The following CRYL1 variants were observed in gnomAD, a reference collection of about 807,000 sequenced individuals.
The protein encoded by CRYL1 is lambda-crystallin homolog.
In CRYL1, 29 loss-of-function variants were observed where a neutral mutation model predicts 36.6. The observed-to-expected ratio is 0.79, with a 90% CI of 0.59 to 1.08. The LOEUF is 1.08. Among genes scored for constraint, CRYL1 ranks in the 50% least tolerant of loss-of-function variants. The pLI is 0.00. For missense variants in CRYL1, 411 were observed against 407.9 expected (o/e 1.01, Z -0.06); for synonymous variants, 152 against 151.5 (o/e 1.00, Z -0.02).
intron 3 of CRYL1, among the ~76,000 whole-genome samples, chr13:20,479,285 T>C (rs1298470178): frequency 6.6e-6 from 1 of 152,192 alleles, no homozygotes; most frequent in Non-Finnish European, 1.5e-5. Flanking sequence ...AAGCTTGAAA[T>C]CCAACTGTGC....
chr13:20,432,125 T>G lies in CRYL1; in HGVS notation c.610A>C (p.Ser204Arg), dbSNP rs1204340686. ...VLNRLQYAII[S>R]EAWRLVEEGI... ...ACCTCCACTAGCCGCCAGGCCTCGCTGATGATTGCATATTGCAGGCGGTTC... is the reference window on the plus strand; with the variant it reads ...ACCTCCACTAGCCGCCAGGCCTCGCGGATGATTGCATATTGCAGGCGGTTC... The change falls in exon 5 of 8, where the codon AGC becomes CGC. Residue 204 changes from serine (S) to arginine (R), a missense_variant. Transcript: ENST00000298248. 6.2e-7 allele frequency: 1 copy of G among 1,614,158 alleles called. No individual in the cohort carries two copies. The highest frequency in any genetic ancestry group is 1.1e-5 in the South Asian group (1 of 91,088).
At chr13:20,471,604 C>CA (rs1314299629) in intron 3 of CRYL1, among the ~76,000 whole-genome samples, 112 of 131,268 alleles carry the variant, frequency 8.5e-4, no homozygotes, top group African/African-American at 9.0e-4. Flanking sequence ...GACTCTGTCT[C>CA]AAAAAAAAAA....
intron 1 of CRYL1, among the ~76,000 whole-genome samples, chr13:20,520,899 A>G (rs796594315): frequency 1.3e-4 from 20 of 152,188 alleles, no homozygotes; most frequent in African/African-American, 4.8e-4. Flanking sequence ...AGGTCAGGAG[A>G]TCGAGACCAT....
intron 2 of CRYL1, among the ~76,000 whole-genome samples, chr13:20,498,222 T>C (rs1412444595): frequency 7.0e-6 from 1 of 143,578 alleles, no homozygotes; most frequent in African/African-American, 2.6e-5. Flanking sequence ...ACATACCCCA[T>C]ATACACACTA....
In CRYL1 at chr13:20,525,845, A is replaced by T; in HGVS notation, c.-51T>A. The stretch of plus-strand genomic sequence containing the variant: ...GGGCGCTGGGACCAGGCGCCGGCGG[A>T]GCTGCGAGCTCTGGGCTCCGGGGAG... On this transcript the variant is annotated 5_prime_UTR_variant, in exon 1 of 8. Coordinates refer to ENST00000298248, the MANE Select transcript of CRYL1 (RefSeq NM_015974.3). This position sits in a 1 kb window ranked among gnomAD's most constrained non-coding sequence, Gnocchi z 4.3. The T allele has an allele frequency of 1.7e-6, 2 of 1,202,506 alleles. No individual in the cohort carries two copies. Among genetic ancestry groups the T allele is most frequent in the Non-Finnish European group, 2.1e-6 (2 of 966,152 alleles). The allele number at this position is 1,202,506 out of a possible 1,614,324, so 74.5% of individuals were successfully genotyped here. A position where few individuals can be genotyped will look rare whatever the true frequency, so the allele number is the denominator to read the frequency against.
chr13:20,436,429 C>T (rs1355948468), intron 4 of CRYL1, among the ~76,000 whole-genome samples: 1 of 152,344 alleles, frequency 6.6e-6, no homozygotes, highest in African/African-American at 2.4e-5. Context: ...ACACCGTTGT[C>T]ACCCACAGGC....
intron 5 of CRYL1, among the ~76,000 whole-genome samples, chr13:20,418,194 T>G (rs6490566): frequency 0.65 from 98,610 of 151,972 alleles, 33,985 homozygotes; most frequent in Non-Finnish European, 0.76. Flanking sequence ...ACCAAATACC[T>G]TCCCAGCAAC....
chr13:20,420,396 C>T (rs576554655), intron 5 of CRYL1, among the ~76,000 whole-genome samples: 182 of 152,138 alleles, frequency 1.2e-3, no homozygotes, highest in African/African-American at 4.0e-3. Context: ...GTTACTCTCC[C>T]GCAGGCTGAG....
chr13:20,420,257 A>T (rs1050980998), intron 5 of CRYL1, among the ~76,000 whole-genome samples: 1 of 152,226 alleles, frequency 6.6e-6, no homozygotes. Context: ...CGGGGAAAGA[A>T]GATGAGAAAC....
intron 3 of CRYL1, among the ~76,000 whole-genome samples, chr13:20,483,815 G>C (rs574251381): frequency 2.6e-5 from 4 of 151,326 alleles, no homozygotes; most frequent in Non-Finnish European, 1.5e-5. Flanking sequence ...TTCTGGGATC[G>C]CAGGCATGAG....
intron 3 of CRYL1, among the ~76,000 whole-genome samples, chr13:20,453,962 T>C (rs761921597): frequency 3.0e-4 from 46 of 152,274 alleles, no homozygotes; most frequent in Admixed American, 2.5e-3. Context: ...TAAGAAATAA[T>C]AGAAAACCTC....
chr13:20,443,115 T>C (rs575860994), intron 3 of CRYL1, among the ~76,000 whole-genome samples: 1 of 152,322 alleles, frequency 6.6e-6, no homozygotes, highest in Admixed American at 6.5e-5. Context: ...AAGTAAATCA[T>C]TTATAAACTT....
chr13:20,509,554 CAAA>C (rs149228387), intron 2 of CRYL1, among the ~76,000 whole-genome samples: 3,005 of 152,184 alleles, frequency 0.02, 103 homozygotes, highest in African/African-American at 0.069. Flanking sequence ...AAGTACTACT[CAAA>C]GAAGATATGC....
intron 2 of CRYL1, among the ~76,000 whole-genome samples, chr13:20,509,823 G>A (rs1205881036): frequency 6.6e-5 from 10 of 152,112 alleles, no homozygotes; most frequent in African/African-American, 2.2e-4. Flanking sequence ...CCAGCTACTC[G>A]GGAGGCTGAG....
At chr13:20,436,027 T>C (rs2032208021) in intron 4 of CRYL1, among the ~76,000 whole-genome samples, 1 of 152,180 alleles carries the variant, frequency 6.6e-6, no homozygotes, top group African/African-American at 2.4e-5. Flanking sequence ...ACGGGCGCTT[T>C]GCAGACAGCA....
chr13:20,459,180 A>C (rs148388478), intron 3 of CRYL1, among the ~76,000 whole-genome samples: 1 of 148,450 alleles, frequency 6.7e-6, no homozygotes, highest in South Asian at 2.2e-4. Context: ...AGCTTGCAGT[A>C]AGCCGAGTTC....
chr13:20,426,185 G>T (rs2031929588), intron 5 of CRYL1, among the ~76,000 whole-genome samples: 1 of 151,468 alleles, frequency 6.6e-6, no homozygotes, highest in South Asian at 2.1e-4. Flanking sequence ...CTTTTGATTT[G>T]CAAGAGCGAT....
At chr13:20,436,272 G>A (rs2137397613) in intron 4 of CRYL1, among the ~76,000 whole-genome samples, 1 of 152,208 alleles carries the variant, frequency 6.6e-6, no homozygotes, top group East Asian at 1.9e-4. Flanking sequence ...CAGCCCTGTC[G>A]GACCATCGCC....
intron 5 of CRYL1, among the ~76,000 whole-genome samples, chr13:20,421,995 C>A (rs1229036888): frequency 1.3e-5 from 2 of 151,760 alleles, no homozygotes; most frequent in Non-Finnish European, 2.9e-5. Context: ...CAGAAAATGG[C>A]CACCCACAAA....
Sources: allele counts gnomAD v4.1 joint callset (sites outside exome capture counted in the v4.1 genomes callset), GRCh38; gene constraint gnomAD v4.1.1; non-coding constraint Gnocchi (gnomAD v3.1); transcripts MANE v1.5; gene names NCBI Gene and HGNC (gene_info 2026-07-23, HGNC 2026-07-21).